Variants in TMEM117 observed in about 807,000 individuals in gnomAD.
TMEM117 encodes the protein transmembrane protein 117.
A neutral mutation model predicts 52.4 loss-of-function variants in TMEM117; 27 were observed. That is an observed-to-expected ratio of 0.51 (90% CI 0.38 to 0.71). TMEM117 has a LOEUF of 0.71. Ranked by LOEUF, TMEM117 falls within the 30% of genes least tolerant of loss-of-function variation. TMEM117 has a pLI of 0.00. For synonymous variants in TMEM117, 215 were observed against 206.3 expected (o/e 1.04, Z -0.36); for missense variants, 556 against 630.5 (o/e 0.88, Z 1.26).
At chr12:44,241,884 C>A (rs1950066926) in intron 5 of TMEM117, among the ~76,000 whole-genome samples, 1 of 151,912 alleles carries the variant, frequency 6.6e-6, no homozygotes, top group Non-Finnish European at 1.5e-5. Context: ...ATCAGTGGAA[C>A]TTTATAAAAT....
intron 4 of TMEM117, among the ~76,000 whole-genome samples, chr12:44,210,196 T>G (rs190520455): frequency 6.6e-6 from 1 of 152,098 alleles, no homozygotes; most frequent in Non-Finnish European, 1.5e-5. Context: ...AAATCATAAG[T>G]AATGGAATGG....
At chr12:44,050,432 C>T (rs1252733633) in intron 3 of TMEM117, among the ~76,000 whole-genome samples, 1 of 152,172 alleles carries the variant, frequency 6.6e-6, no homozygotes, top group East Asian at 1.9e-4. Flanking sequence ...CTGCCTCAGC[C>T]TCCCAAAGTG....
chr12:43,886,230 G>A (rs1480989978), intron 2 of TMEM117, among the ~76,000 whole-genome samples: 3 of 152,060 alleles, frequency 2.0e-5, no homozygotes, highest in Non-Finnish European at 2.9e-5. Flanking sequence ...CAGGGACTAA[G>A]GAATATAAGG....
intron 3 of TMEM117, among the ~76,000 whole-genome samples, chr12:44,079,292 T>A (rs1429652033): frequency 6.6e-6 from 1 of 152,194 alleles, no homozygotes; most frequent in African/African-American, 2.4e-5. Flanking sequence ...TGCCACACTG[T>A]CTTCCACAAT....
intron 3 of TMEM117, among the ~76,000 whole-genome samples, chr12:44,000,153 G>T (rs1251611070): frequency 6.6e-6 from 1 of 152,126 alleles, no homozygotes; most frequent in Non-Finnish European, 1.5e-5. Context: ...AGCCCCTTTG[G>T]CTCCTGGGAG....
intron 6 of TMEM117, among the ~76,000 whole-genome samples, chr12:44,348,071 A>G (rs923463843): frequency 2.6e-5 from 4 of 152,138 alleles, no homozygotes; most frequent in Admixed American, 1.3e-4. Context: ...AAAGAAGCTG[A>G]GGGACCTTTA....
At chr12:44,029,903 G>T (rs1260084301) in intron 3 of TMEM117, among the ~76,000 whole-genome samples, 2 of 152,210 alleles carry the variant, frequency 1.3e-5, no homozygotes, top group Non-Finnish European at 2.9e-5. Context: ...ATGTCCTTGG[G>T]AGCTTGACCT....
chr12:43,978,229 G>A (rs894128159), intron 3 of TMEM117, among the ~76,000 whole-genome samples: 2 of 152,168 alleles, frequency 1.3e-5, no homozygotes, highest in African/African-American at 4.8e-5. Flanking sequence ...GCCAGGCAGT[G>A]AGCTGTGGGC....
intron 5 of TMEM117, among the ~76,000 whole-genome samples, chr12:44,287,086 C>T (rs1950647749): frequency 1.3e-5 from 2 of 152,108 alleles, no homozygotes; most frequent in African/African-American, 2.4e-5. Flanking sequence ...CAGGAGCCCA[C>T]CCCAGAGGTT....
chr12:44,098,020 G>C lies in TMEM117; in HGVS notation c.411-45505G>C, dbSNP rs1351575183. ...GTCCAATTTAATAAGTTAGAGCAGAGATGGATAAGGTCAGCTTTTGTATAA... is the reference window on the plus strand; with the variant it reads ...GTCCAATTTAATAAGTTAGAGCAGACATGGATAAGGTCAGCTTTTGTATAA... On this transcript the variant is annotated intron_variant, in intron 3 of 7. Transcript: ENST00000266534. Among the ~76,000 whole-genome samples the C allele has an allele frequency of 3.3e-5, 5 of 152,016 alleles. No homozygotes were observed. The East Asian group carries it at 9.7e-4, about 29-fold the overall frequency.
At chr12:43,860,680 G>A (rs1943473222) in intron 2 of TMEM117, among the ~76,000 whole-genome samples, 1 of 152,134 alleles carries the variant, frequency 6.6e-6, no homozygotes, top group Non-Finnish European at 1.5e-5. Context: ...GGAGGTCAGT[G>A]GCTGGAGCAG....
At chr12:44,227,961 C>G (rs1047886184) in intron 5 of TMEM117, among the ~76,000 whole-genome samples, 1 of 148,300 alleles carries the variant, frequency 6.7e-6, no homozygotes, top group Non-Finnish European at 1.5e-5. Flanking sequence ...AGCTGAAGAA[C>G]GTGAGATCCA....
chr12:43,796,807 T>C, the TMEM117 span, among the ~76,000 whole-genome samples: 1 of 152,004 alleles, frequency 6.6e-6, no homozygotes, highest in Non-Finnish European at 1.5e-5. Flanking sequence ...TATATAGAGA[T>C]GGGGATCATG....
chr12:43,936,888 G>C (rs575776525), intron 2 of TMEM117, among the ~76,000 whole-genome samples: 9 of 152,270 alleles, frequency 5.9e-5, no homozygotes, highest in African/African-American at 1.9e-4. Flanking sequence ...GTCTAGATGA[G>C]AAAACAAGGA....
At chr12:44,318,011 G>C (rs1384882292) in intron 6 of TMEM117, among the ~76,000 whole-genome samples, 1 of 152,116 alleles carries the variant, frequency 6.6e-6, no homozygotes, top group Non-Finnish European at 1.5e-5. Context: ...TTGGTAACCT[G>C]CTTGGCCCTA....
At chr12:43,922,566 C>A (rs1944712986) in intron 2 of TMEM117, among the ~76,000 whole-genome samples, 1 of 152,132 alleles carries the variant, frequency 6.6e-6, no homozygotes, top group Non-Finnish European at 1.5e-5. Flanking sequence ...TTCCGTTTGG[C>A]TTCTCAGGTC....
intron 3 of TMEM117, among the ~76,000 whole-genome samples, chr12:44,004,889 T>C (rs763432373): frequency 6.6e-6 from 1 of 152,172 alleles, no homozygotes; most frequent in East Asian, 1.9e-4. Flanking sequence ...GAAAGAAATA[T>C]CATGCAGAAG....
chr12:44,028,940 G>A (rs1224209922), intron 3 of TMEM117, among the ~76,000 whole-genome samples: 1 of 152,144 alleles, frequency 6.6e-6, no homozygotes, highest in Non-Finnish European at 1.5e-5. Context: ...TGCTAACTTT[G>A]GGTAAGTGGT....
At chr12:44,380,030 T>C (rs1951998532) in intron 7 of TMEM117, among the ~76,000 whole-genome samples, 1 of 152,232 alleles carries the variant, frequency 6.6e-6, no homozygotes, top group African/African-American at 2.4e-5. Flanking sequence ...CTGTCAAGCA[T>C]GGCAAGTGAT....
Sources: gnomAD v4.1 joint callset for allele counts (sites outside exome capture counted in the v4.1 genomes callset) on GRCh38, gnomAD v4.1.1 for gene constraint, MANE v1.5 for transcripts, NCBI Gene and HGNC (gene_info 2026-07-23, HGNC 2026-07-21) for gene names.